Variants in MRPL1 observed in about 807,000 individuals in gnomAD.
MRPL1 encodes large ribosomal subunit protein uL1m.
A neutral mutation model predicts 38.0 loss-of-function variants in MRPL1; 28 were observed. That is an observed-to-expected ratio of 0.74 (90% CI 0.55 to 1.01). MRPL1 has a LOEUF of 1.01. Among genes scored for constraint, MRPL1 ranks in the 50% least tolerant of loss-of-function variants. MRPL1 has a pLI of 0.00. For synonymous variants in MRPL1, 123 were observed against 126.7 expected, an observed-to-expected ratio of 0.97 and a Z score of 0.20; for missense variants, 358 against 389.8, an observed-to-expected ratio of 0.92 and a Z score of 0.69.
At chr4:77,886,899 C>T (rs1223237374) in intron 4 of MRPL1, among the ~76,000 whole-genome samples, 1 of 139,218 alleles carries the variant, frequency 7.2e-6, no homozygotes, top group Non-Finnish European at 1.5e-5. Flanking sequence ...TTCAAGGATT[C>T]TTCTGCCTCA....
rs528426488 is a variant in MRPL1, at chr4:77,891,964, CA to C, written c.559-2174del. On this transcript the variant is annotated intron_variant, in intron 5 of 8. Coordinates refer to ENST00000315567, the MANE Select transcript of MRPL1 (RefSeq NM_020236.4). ...CCGTGGTGTCTTTTTAAAGCTAGTC[CA>C]TGTTATTTTTAGAAGGTATTCAGGT... Among the ~76,000 whole-genome samples, 50 of 152,206 alleles carry C rather than the reference CA, an allele frequency of 3.3e-4. 2 individuals are homozygous for C. The South Asian group carries it at 7.7e-3, about 23-fold the overall frequency.
chr4:77,883,189 A>ATTTT lies in MRPL1; in HGVS notation c.144-53_144-52insTTTT, dbSNP rs780523164. Reference sequence around the variant, plus strand: ...TTATGTACACTGGCTTTTTTTTTAAAAAAAATCTCTTAGGATATATATTGA... The same window carrying ATTTT: ...TTATGTACACTGGCTTTTTTTTTAAATTTTAAAAATCTCTTAGGATATATATTGA... On this transcript the variant is annotated intron_variant, in intron 2 of 8. Coordinates refer to ENST00000315567, the MANE Select transcript of MRPL1 (RefSeq NM_020236.4). The ATTTT allele has an allele frequency of 7.6e-5, 87 of 1,146,660 alleles. No homozygotes were observed. In the African/African-American group the frequency reaches 9.9e-4, roughly 13 times the overall value. 71.0% of individuals were successfully genotyped at this position (1,146,660 alleles called of 1,614,324 possible). A position where few individuals can be genotyped will look rare whatever the true frequency, so the allele number is the denominator to read the frequency against.
rs149871052 is a variant in MRPL1, at chr4:77,928,577, A to G, written c.777+19205A>G. Among the ~76,000 whole-genome samples, 51 of 152,318 alleles carry G rather than the reference A, an allele frequency of 3.3e-4. No individual in the cohort carries two copies. In the East Asian group the frequency reaches 8.9e-3, roughly 26 times the overall value. On this transcript the variant is annotated intron_variant, in intron 7 of 8. Transcript: ENST00000315567. ...TTATAAAGAGAGGAAAATAAACTTT[A>G]GAATGTAAAGTAGAGGAAGTAGGCT... is the stretch of plus-strand genomic sequence containing the variant.
Position 77,883,427 on chromosome 4 carries a change from A to C in MRPL1, c.329A>C (p.Gln110Pro), listed in dbSNP as rs1735596211. Residue 110 changes from glutamine (Q) to proline (P), a missense_variant, in exon 3 of 9, where the codon CAA becomes CCA. Transcript: ENST00000315567. Reference sequence around the variant, plus strand: ...GCTGTTCACTTACTTAAGAAATTTCAAATTCTTGACTTTACTAGTCCAAAG... The same window carrying C: ...GCTGTTCACTTACTTAAGAAATTTCCAATTCTTGACTTTACTAGTCCAAAG... ...EKAVHLLKKF[Q>P]ILDFTSPKQS... is the part of the protein sequence containing the mutation. The C allele has an allele frequency of 6.2e-7, 1 of 1,613,964 alleles. No individual in the cohort carries two copies.
chr4:77,905,340 T>C (rs1056835018), intron 6 of MRPL1, among the ~76,000 whole-genome samples: 5 of 151,326 alleles, frequency 3.3e-5, no homozygotes, highest in Non-Finnish European at 7.4e-5. Context: ...CTACTAAAAA[T>C]ACAAAAATTA....
chr4:77,879,630 C>T (rs1019411577), intron 2 of MRPL1, among the ~76,000 whole-genome samples: 1 of 152,160 alleles, frequency 6.6e-6, no homozygotes. Context: ...ACAGCTAGAA[C>T]ATTTTGTTAT....
At chr4:77,918,676 G>C (rs1736484346) in intron 7 of MRPL1, among the ~76,000 whole-genome samples, 1 of 152,108 alleles carries the variant, frequency 6.6e-6, no homozygotes, top group South Asian at 2.1e-4. Context: ...GAAGAGGGGA[G>C]AGATTTGGGG....
At chr4:77,867,780 G>T (rs545184624) in intron 1 of MRPL1, among the ~76,000 whole-genome samples, 4 of 130,154 alleles carry the variant, frequency 3.1e-5, no homozygotes, top group Non-Finnish European at 6.3e-5. Flanking sequence ...TTTTTTAGAC[G>T]GAGTCTTGCT....
In MRPL1 at chr4:77,943,119, G is replaced by A. The variant is rs191978343; in HGVS notation, c.778-6678G>A. ...CATTTGTTTGTCTGAAAAAGATTGT[G>A]TATTTCCTTCATTTATGAAGCTTAG... is the stretch of plus-strand genomic sequence containing the variant. On this transcript the variant is annotated intron_variant, in intron 7 of 8. Coordinates refer to ENST00000315567, the MANE Select transcript of MRPL1 (RefSeq NM_020236.4). Among the ~76,000 whole-genome samples the A allele has an allele frequency of 5.3e-5, 8 of 152,100 alleles. No homozygotes were observed. The East Asian group carries it at 1.4e-3, about 26-fold the overall frequency.
intron 7 of MRPL1, among the ~76,000 whole-genome samples, chr4:77,919,382 A>G (rs770006393): frequency 6.6e-6 from 1 of 152,160 alleles, no homozygotes; most frequent in Non-Finnish European, 1.5e-5. Context: ...ATAAGATAAG[A>G]GTTCTTTCTA....
chr4:77,879,563 CTA>C (rs1298815820), intron 2 of MRPL1, among the ~76,000 whole-genome samples: 18 of 152,176 alleles, frequency 1.2e-4, no homozygotes, highest in Non-Finnish European at 2.5e-4. Context: ...ATAGGTTCCA[CTA>C]TGATTGAAAA....
chr4:77,903,830 C>T (rs1045825813), intron 6 of MRPL1, among the ~76,000 whole-genome samples: 1 of 151,944 alleles, frequency 6.6e-6, no homozygotes, highest in African/African-American at 2.4e-5. Flanking sequence ...TTAAGATAAA[C>T]TTATTTTTTT....
In MRPL1 at chr4:77,935,869, T is replaced by A. The variant is rs1046388450; in HGVS notation, c.778-13928T>A. On this transcript the variant is annotated intron_variant, in intron 7 of 8. Coordinates refer to ENST00000315567, the MANE Select transcript of MRPL1 (RefSeq NM_020236.4). ...ATCACTTGAACCTGCGAGGCAGAGG[T>A]TGCAGTGAGCCAAGATTGCGCCACT... Among the ~76,000 whole-genome samples, 4 of 151,498 alleles carry A rather than the reference T, an allele frequency of 2.6e-5. No individual in the cohort carries two copies. The East Asian group carries it at 7.9e-4, about 30-fold the overall frequency.
intron 7 of MRPL1, among the ~76,000 whole-genome samples, chr4:77,920,708 G>C (rs1333970384): frequency 6.6e-6 from 1 of 152,136 alleles, no homozygotes; most frequent in South Asian, 2.1e-4. Context: ...TCTTCTAAAG[G>C]AAGAAGGGTG....
Position 77,917,566 on chromosome 4 carries a change from T to TA in MRPL1, c.777+8203dup, listed in dbSNP as rs199768516. On this transcript the variant is annotated intron_variant, in intron 7 of 8. Coordinates refer to ENST00000315567, the MANE Select transcript of MRPL1 (RefSeq NM_020236.4). ...CGTTAGCTCATTTAGAATCTAAGCATAAAAAAAAACAGAAAACAACCAACT... is the reference window on the plus strand; with the variant it reads ...CGTTAGCTCATTTAGAATCTAAGCATAAAAAAAAAACAGAAAACAACCAACT... 4.8e-3 allele frequency among the ~76,000 whole-genome samples: 722 copies of TA among 150,834 alleles called. 9 individuals are homozygous for TA. The highest frequency in any genetic ancestry group is 0.028 in the East Asian group (143 of 5,136).
intron 7 of MRPL1, among the ~76,000 whole-genome samples, chr4:77,913,098 G>T (rs1249209227): frequency 6.6e-6 from 1 of 152,060 alleles, no homozygotes; most frequent in East Asian, 1.9e-4. Flanking sequence ...ACTTTGAGAA[G>T]AAAAAGTTGG....
At chr4:77,941,314 T>C (rs1190983254) in intron 7 of MRPL1, among the ~76,000 whole-genome samples, 3 of 152,142 alleles carry the variant, frequency 2.0e-5, no homozygotes, top group African/African-American at 4.8e-5. Flanking sequence ...GTCAGAGATA[T>C]TGATCTGTAG....
At chr4:77,921,340 G>A (rs1044244200) in intron 7 of MRPL1, among the ~76,000 whole-genome samples, 5 of 152,090 alleles carry the variant, frequency 3.3e-5, no homozygotes, top group Non-Finnish European at 7.3e-5. Flanking sequence ...AAATATATAT[G>A]TACTTATGAT....
intron 7 of MRPL1, among the ~76,000 whole-genome samples, chr4:77,923,883 C>T (rs975795681): frequency 4.0e-5 from 6 of 151,872 alleles, no homozygotes; most frequent in African/African-American, 1.5e-4. Context: ...GCAGGAGAAT[C>T]GGTTGAACCT....
Sources: allele counts gnomAD v4.1 joint callset (sites outside exome capture counted in the v4.1 genomes callset), GRCh38; gene constraint gnomAD v4.1.1; transcripts MANE v1.5; gene names NCBI Gene and HGNC (gene_info 2026-07-23, HGNC 2026-07-21).